CFHR4: variants seen among roughly 807,000 people sequenced by gnomAD.
The protein encoded by CFHR4 is complement factor H-related protein 4.
A neutral mutation model predicts 69.3 loss-of-function variants in CFHR4; 64 were observed. The observed-to-expected ratio is 0.92, with a 90% CI of 0.76 to 1.14. CFHR4 has a LOEUF of 1.14. Among genes scored for constraint, CFHR4 ranks in the 50% most tolerant of loss-of-function variants. The pLI, the probability that CFHR4 is intolerant of heterozygous loss-of-function variation, is 0.00. For missense variants in CFHR4, 636 were observed against 684.9 expected, an observed-to-expected ratio of 0.93 and a Z score of 0.80; for synonymous variants, 244 against 237.0, an observed-to-expected ratio of 1.03 and a Z score of -0.27.
intron 3 of CFHR4, among the ~76,000 whole-genome samples, chr1:196,905,771 G>T (rs983823506): frequency 1.3e-5 from 2 of 151,332 alleles, no homozygotes; most frequent in South Asian, 2.1e-4. Context: ...TGCAACTGAG[G>T]AGAACCAACT....
intron 9 of CFHR4, among the ~76,000 whole-genome samples, chr1:196,916,264 A>C (rs532871613): frequency 6.6e-6 from 1 of 151,646 alleles, no homozygotes; most frequent in Non-Finnish European, 1.5e-5. Flanking sequence ...ACTTGCCACA[A>C]GTTTCTACTA....
chr1:196,894,979 G>T lies in CFHR4; in HGVS notation c.58+6771G>T, dbSNP rs960275806. On this transcript the variant is annotated intron_variant, in intron 1 of 9. Coordinates refer to ENST00000608469, the MANE Select transcript of CFHR4 (RefSeq NM_001201550.3). ...AGAGGCTGAAGTGGAAGGATCACTT[G>T]AGCCCAGGAGGTCGAGGCTACAGTA... Among the ~76,000 whole-genome samples the T allele has an allele frequency of 6.5e-4, 99 of 151,552 alleles. 3 individuals carry two copies. The highest frequency in any genetic ancestry group is 2.3e-3 in the African/African-American group (93 of 41,134).
chr1:196,895,754 T>C (rs1239008116), intron 1 of CFHR4, among the ~76,000 whole-genome samples: 1 of 151,512 alleles, frequency 6.6e-6, no homozygotes, highest in African/African-American at 2.4e-5. Flanking sequence ...CAGAGCTTTT[T>C]CAGGGAAACT....
chr1:196,894,658 A>G (rs1657196365), intron 1 of CFHR4, among the ~76,000 whole-genome samples: 1 of 151,400 alleles, frequency 6.6e-6, no homozygotes, highest in Non-Finnish European at 1.5e-5. Context: ...TAAACTTCTG[A>G]TGAGAAATCT....
In CFHR4 at chr1:196,907,820, T is replaced by C. The variant is rs1412667410; in HGVS notation, c.799+322T>C. 1.3e-5 allele frequency among the ~76,000 whole-genome samples: 2 copies of C among 151,418 alleles called. 1 individual carries two copies. The highest frequency in any genetic ancestry group is 4.9e-5 in the African/African-American group (2 of 41,028). ...CTCACCTTAACATCAATAACCATTT[T>C]CACATTATTAATACTTAGGTAAACA... On this transcript the variant is annotated intron_variant, in intron 5 of 9. Coordinates refer to ENST00000608469, the MANE Select transcript of CFHR4 (RefSeq NM_001201550.3).
intron 1 of CFHR4, among the ~76,000 whole-genome samples, chr1:196,898,541 G>A (rs1010540425): frequency 2.0e-5 from 3 of 151,624 alleles, no homozygotes; most frequent in East Asian, 3.9e-4. Flanking sequence ...TATATGAATA[G>A]ATATTTCTCT....
chr1:196,917,586 T>C (rs1306340973), intron 9 of CFHR4, among the ~76,000 whole-genome samples: 1 of 151,426 alleles, frequency 6.6e-6, no homozygotes. Flanking sequence ...TCCTTGCCTC[T>C]TTAAAATAGA....
At chr1:196,889,418 C>T (rs1162426809) in intron 1 of CFHR4, among the ~76,000 whole-genome samples, 1 of 151,504 alleles carries the variant, frequency 6.6e-6, no homozygotes, top group African/African-American at 2.4e-5. Context: ...TAGAGAAAAA[C>T]AGTACTATTT....
intron 5 of CFHR4, among the ~76,000 whole-genome samples, chr1:196,908,790 G>A (rs1233649414): frequency 6.6e-6 from 1 of 151,452 alleles, no homozygotes; most frequent in Non-Finnish European, 1.5e-5. Flanking sequence ...GTAAACTCAC[G>A]AGTTTTCCAA....
At chr1:196,907,159 G>C in intron 4 of CFHR4, 122 bp downstream of exon 4, 2 of 1,186,966 alleles carry the variant, frequency 1.7e-6, no homozygotes, top group South Asian at 1.4e-5. Context: ...CCTCATTTGA[G>C]TGTGAATTAC....
Position 196,910,013 on chromosome 1 carries a change from G to A in CFHR4, c.800-268G>A, listed in dbSNP as rs183176337. 2.0e-3 allele frequency among the ~76,000 whole-genome samples: 304 copies of A among 150,518 alleles called. 12 individuals carry two copies. The highest frequency in any genetic ancestry group is 7.1e-3 in the African/African-American group (288 of 40,700). On this transcript the variant is annotated intron_variant, in intron 5 of 9. Transcript: ENST00000608469. Reference sequence around the variant, plus strand: ...CTAAAATTACAAAAATTAGATGGGCGTGGTGGTGTGTGCCCATAGTGCCGG... The same window carrying A: ...CTAAAATTACAAAAATTAGATGGGCATGGTGGTGTGTGCCCATAGTGCCGG...
In CFHR4 at chr1:196,918,180, ATTG is replaced by A. The variant is rs1340220447; in HGVS notation, c.1541-27_1541-25del. 10 of 1,590,670 alleles carry A rather than the reference ATTG, an allele frequency of 6.3e-6. 1 individual carries two copies. In the East Asian group the frequency reaches 9.1e-5, roughly 14 times the overall value. ...TTTGCTCATGAAAGGCAAGATTATGATTGTTAATTGTTTCTTTTTCTGCTTTCA... is the reference window on the plus strand; with the variant it reads ...TTTGCTCATGAAAGGCAAGATTATGATTAATTGTTTCTTTTTCTGCTTTCA... On this transcript the variant is annotated intron_variant, in intron 9 of 9. Transcript: ENST00000608469.
chr1:196,909,175 T>C (rs1169915713), intron 5 of CFHR4, among the ~76,000 whole-genome samples: 3 of 151,530 alleles, frequency 2.0e-5, no homozygotes, highest in Non-Finnish European at 4.4e-5. Context: ...ACTCCTAAGA[T>C]GGATTTCACA....
intron 1 of CFHR4, among the ~76,000 whole-genome samples, chr1:196,898,410 T>C (rs75024683): frequency 0.016 from 2,484 of 151,660 alleles, 70 homozygotes; most frequent in Non-Finnish European, 0.021. Context: ...TTTTAGTATA[T>C]GGAGTTTTGA....
rs1308533271 is a variant in CFHR4 at position 196,902,488 on chromosome 1, C to T, written c.129C>T (p.Tyr43=). The T allele has an allele frequency of 3.1e-6, 5 of 1,611,838 alleles. No individual in the cohort carries two copies. Among genetic ancestry groups the T allele is most frequent in the South Asian group, 1.1e-5 (1 of 91,034 alleles). The change falls in exon 2 of 10, where the codon TAC becomes TAT. Residue 43 remains tyrosine (Y), a synonymous_variant. Transcript: ENST00000608469. ...ATTATAAGAGTTTGCGTAGACTATA[C>T]TTTCCAGCAGCTGCAGGACAATCTT... The part of the protein sequence containing the change: ...GLYYKSLRRL[Y]FPAAAGQSYS...
rs1286157076 is a variant in CFHR4 at position 196,906,902 on chromosome 1, A to G, written c.481A>G (p.Ser161Gly). Residue 161 changes from serine to glycine, a missense_variant, in exon 4 of 10, where the codon AGT (serine) becomes GGT (glycine). Physicochemically the swap from Ser to Gly is moderately conservative, Grantham distance 56. Coordinates refer to ENST00000608469, the MANE Select transcript of CFHR4 (RefSeq NM_001201550.3). ...TGTTTTTGAGAATTCCAGAGCCAAG[A>G]GTAATGGCATGTGGTTTAAGCTCCA... ...MPVFENSRAKSNGMWFKLHDT... is the reference protein window; with the variant it reads ...MPVFENSRAKGNGMWFKLHDT... 5 of 1,609,032 alleles carry G rather than the reference A, an allele frequency of 3.1e-6. No individual in the cohort carries two copies. Among genetic ancestry groups the G allele is most frequent in the Admixed American group, 1.7e-5 (1 of 58,894 alleles).
intron 1 of CFHR4, among the ~76,000 whole-genome samples, chr1:196,891,436 G>A (rs1002286840): frequency 1.3e-5 from 2 of 151,238 alleles, no homozygotes; most frequent in African/African-American, 4.9e-5. Context: ...TTGACGGACT[G>A]GGTCAGAGAA....
chr1:196,916,326 C>A (rs1658627878), intron 9 of CFHR4, among the ~76,000 whole-genome samples: 2 of 151,900 alleles, frequency 1.3e-5, no homozygotes, highest in South Asian at 4.1e-4. Flanking sequence ...TGTCAGATAA[C>A]CTATTCCTAT....
In CFHR4 at chr1:196,903,785, ATTGAT is replaced by A. The variant is rs769585508; in HGVS notation, c.256+1173_256+1177del. On this transcript the variant is annotated intron_variant, in intron 2 of 9. Coordinates refer to ENST00000608469, the MANE Select transcript of CFHR4 (RefSeq NM_001201550.3). ...TCAGTATTTATATCAAAGTGAATGCATTGATTTAAGTAGATTATAAAATTATAGCA... is the reference window on the plus strand; with the variant it reads ...TCAGTATTTATATCAAAGTGAATGCATTAAGTAGATTATAAAATTATAGCA... Among the ~76,000 whole-genome samples the A allele has an allele frequency of 1.3e-4, 19 of 151,492 alleles. 1 individual carries two copies. Among genetic ancestry groups the A allele is most frequent in the South Asian group, 2.1e-4 (1 of 4,826 alleles).
Sources: allele counts gnomAD v4.1 joint callset (sites outside exome capture counted in the v4.1 genomes callset), GRCh38; gene constraint gnomAD v4.1.1; transcripts MANE v1.5; gene names NCBI Gene and HGNC (gene_info 2026-07-23, HGNC 2026-07-21).